The following MAPK10 variants were observed in gnomAD, a reference collection of about 807,000 sequenced individuals.
MAPK10 encodes JNK3 alpha protein kinase.
A neutral mutation model predicts 59.3 loss-of-function variants in MAPK10; 25 were observed. The observed-to-expected ratio is 0.42, with a 90% CI of 0.31 to 0.59. The LOEUF (loss-of-function observed/expected upper bound fraction) is 0.59, where lower values mean the gene tolerates loss of function less well. Among genes scored for constraint, MAPK10 ranks in the 20% least tolerant of loss-of-function variants. The probability of loss-of-function intolerance (pLI) is 0.15; values close to 1 mark genes in which losing one functional copy is unlikely to be tolerated. For missense variants in MAPK10, 351 were observed against 568.9 expected, an observed-to-expected ratio of 0.62 and a Z score of 3.90; for synonymous variants, 190 against 200.5, an observed-to-expected ratio of 0.95 and a Z score of 0.44.
intron 1 of MAPK10, among the ~76,000 whole-genome samples, chr4:86,590,414 A>C (rs1035422626): frequency 1.3e-5 from 2 of 152,154 alleles, no homozygotes; most frequent in Non-Finnish European, 2.9e-5. Context: ...TTATTTTTGA[A>C]TGGCACTCTT....
chr4:86,149,905 G>A (rs2065978764), intron 4 of MAPK10, among the ~76,000 whole-genome samples: 1 of 151,948 alleles, frequency 6.6e-6, no homozygotes, highest in South Asian at 2.1e-4. Flanking sequence ...TTCCAAACGA[G>A]CCCCAGATTT....
chr4:86,226,993 C>T (rs955664023), intron 2 of MAPK10, among the ~76,000 whole-genome samples: 6 of 152,114 alleles, frequency 3.9e-5, no homozygotes, highest in African/African-American at 1.4e-4. Flanking sequence ...AATTGCTTTT[C>T]CTGATTTTTT....
intron 2 of MAPK10, among the ~76,000 whole-genome samples, chr4:86,227,735 G>A (rs1478147708): frequency 6.6e-6 from 1 of 152,100 alleles, no homozygotes; most frequent in Non-Finnish European, 1.5e-5. Flanking sequence ...ATTATTTAAG[G>A]TCAAGTTTCT....
chr4:86,301,878 C>A (rs576285741), intron 2 of MAPK10, among the ~76,000 whole-genome samples: 150 of 152,294 alleles, frequency 9.8e-4, no homozygotes, highest in African/African-American at 3.6e-3. Context: ...CAGTACTCCT[C>A]TTTTTTAAAT....
chr4:86,308,715 A>G (rs1304268300), intron 2 of MAPK10: 1 of 152,196 alleles, frequency 6.6e-6, no homozygotes, highest in African/African-American at 2.4e-5. Flanking sequence ...GGAATGATGC[A>G]TCTATTCTGC....
intron 2 of MAPK10, among the ~76,000 whole-genome samples, chr4:86,221,666 TG>T (rs1348301717): frequency 6.6e-6 from 1 of 151,986 alleles, no homozygotes; most frequent in Admixed American, 6.6e-5. Context: ...TTTGTTTGTT[TG>T]TTTGTTTGTT....
chr4:86,258,250 C>T (rs1437828628), intron 2 of MAPK10, among the ~76,000 whole-genome samples: 1 of 152,082 alleles, frequency 6.6e-6, no homozygotes, highest in Non-Finnish European at 1.5e-5. Context: ...CATCATTTGC[C>T]TCTCCCCATC....
chr4:86,430,277 C>G (rs1402400740), intron 1 of MAPK10, among the ~76,000 whole-genome samples: 1 of 152,134 alleles, frequency 6.6e-6, no homozygotes, highest in Non-Finnish European at 1.5e-5. Flanking sequence ...AAAACTGGTC[C>G]ATGTTATTAA....
intron 2 of MAPK10, among the ~76,000 whole-genome samples, chr4:86,195,906 CTT>C (rs2081190564): frequency 2.0e-5 from 3 of 152,096 alleles, no homozygotes; most frequent in African/African-American, 4.8e-5. Flanking sequence ...AACTCATCCT[CTT>C]TACGGATGCA....
At chr4:86,219,206 T>C (rs998652016) in intron 2 of MAPK10, among the ~76,000 whole-genome samples, 4 of 152,110 alleles carry the variant, frequency 2.6e-5, no homozygotes, top group East Asian at 1.9e-4. Context: ...TTCCATGGTA[T>C]TGGGGGCAGA....
chr4:86,205,507 CA>C (rs2083598593), intron 2 of MAPK10, among the ~76,000 whole-genome samples: 1 of 151,446 alleles, frequency 6.6e-6, no homozygotes, highest in Non-Finnish European at 1.5e-5. Context: ...AACTATCATA[CA>C]AAGATAATAT....
chr4:86,337,040 C>T (rs372781654), intron 2 of MAPK10, among the ~76,000 whole-genome samples: 3 of 152,134 alleles, frequency 2.0e-5, no homozygotes, highest in East Asian at 1.9e-4. Context: ...CCACCTGCCT[C>T]AGCCTCCCAA....
chr4:86,289,439 C>T (rs904227530), intron 2 of MAPK10, among the ~76,000 whole-genome samples: 2 of 151,758 alleles, frequency 1.3e-5, no homozygotes, highest in African/African-American at 2.4e-5. Flanking sequence ...CAGAGAGCAA[C>T]AGTTAAGCAG....
At chr4:86,532,057 T>A (rs1026994710) in intron 1 of MAPK10, among the ~76,000 whole-genome samples, 6 of 147,698 alleles carry the variant, frequency 4.1e-5, no homozygotes, top group Non-Finnish European at 7.5e-5. Context: ...ATATTATTTT[T>A]TATATATATT....
chr4:86,346,476 T>C (rs1447510780), intron 2 of MAPK10, among the ~76,000 whole-genome samples: 1 of 152,170 alleles, frequency 6.6e-6, no homozygotes, highest in Non-Finnish European at 1.5e-5. Flanking sequence ...ATAACCATCA[T>C]AGGCCTAACT....
At chr4:86,507,729 G>A (rs1755909691) in intron 1 of MAPK10, among the ~76,000 whole-genome samples, 1 of 139,900 alleles carries the variant, frequency 7.1e-6, no homozygotes, top group African/African-American at 2.7e-5. Flanking sequence ...ATGGCATACA[G>A]TGGTATAGAA....
At chr4:86,226,322 C>T (rs552955858) in intron 2 of MAPK10, among the ~76,000 whole-genome samples, 98 of 152,248 alleles carry the variant, frequency 6.4e-4, no homozygotes, top group African/African-American at 2.1e-3. Flanking sequence ...AGACTTTACC[C>T]GGTTTCAAGT....
intron 1 of MAPK10, among the ~76,000 whole-genome samples, chr4:86,431,272 T>C (rs190585170): frequency 6.6e-6 from 1 of 152,174 alleles, no homozygotes; most frequent in African/African-American, 2.4e-5. Context: ...ATTTTTAAAA[T>C]GGGAACAAAT....
Position 86,567,082 on chromosome 4 carries a change from C to T in MAPK10, c.-263+26828G>A, listed in dbSNP as rs542962894. Among the ~76,000 whole-genome samples, 7 of 152,018 alleles carry T rather than the reference C, an allele frequency of 4.6e-5. 1 individual carries two copies. Among genetic ancestry groups the T allele is most frequent in the South Asian group, 4.1e-4 (2 of 4,828 alleles). On this transcript the variant is annotated intron_variant, in intron 1 of 4. Transcript: ENST00000502302. ...TCAAAACAAAAACAAAAATAAAAAA[C>T]CATGGTAATCATATTCAGTTTGGTG...
Sources: allele counts gnomAD v4.1 joint callset (sites outside exome capture counted in the v4.1 genomes callset), GRCh38; gene constraint gnomAD v4.1.1; transcripts MANE v1.5; gene names NCBI Gene and HGNC (gene_info 2026-07-23, HGNC 2026-07-21).